Variants in FAM222A observed in about 807,000 individuals in gnomAD.
FAM222A encodes family with sequence similarity 222 member A.
Under a neutral mutation model 25.8 loss-of-function variants are expected in FAM222A, and 7 were observed. The ratio of observed to expected loss-of-function variants is 0.27; its 90% CI spans 0.15 to 0.51. FAM222A has a LOEUF of 0.51. Among genes scored for constraint, FAM222A ranks in the 20% least tolerant of loss-of-function variants. The probability of loss-of-function intolerance (pLI) is 0.97; values close to 1 mark genes in which losing one functional copy is unlikely to be tolerated. For missense variants in FAM222A, 573 were observed against 640.5 expected (o/e 0.89, Z 1.14); for synonymous variants, 294 against 298.8 (o/e 0.98, Z 0.17).
At chr12:109,750,910 G>T (rs1028851055) in intron 2 of FAM222A, among the ~76,000 whole-genome samples, 1 of 151,850 alleles carries the variant, frequency 6.6e-6, no homozygotes, top group Non-Finnish European at 1.5e-5. Flanking sequence ...ATTTGATTTC[G>T]ATCTTTCCAT....
chr12:109,747,817 G>A (rs1362088210), intron 2 of FAM222A, among the ~76,000 whole-genome samples: 1 of 152,068 alleles, frequency 6.6e-6, no homozygotes, highest in African/African-American at 2.4e-5. Flanking sequence ...TTTCAATTTA[G>A]GCGCTTGGGT....
At chr12:109,766,282 G>A (rs1194367689) in intron 2 of FAM222A, among the ~76,000 whole-genome samples, 2 of 152,238 alleles carry the variant, frequency 1.3e-5, no homozygotes, top group South Asian at 2.1e-4. Context: ...CTGCCCTTGG[G>A]AATGTCTCAG....
intron 1 of FAM222A, among the ~76,000 whole-genome samples, chr12:109,715,746 G>A (rs1592774279): frequency 6.6e-6 from 1 of 152,214 alleles, no homozygotes; most frequent in East Asian, 1.9e-4. Context: ...CGGGGCTCAG[G>A]CCTCCCAGAC....
intron 1 of FAM222A, among the ~76,000 whole-genome samples, chr12:109,720,338 G>T (rs989276139): frequency 1.3e-5 from 2 of 152,222 alleles, no homozygotes; most frequent in Non-Finnish European, 2.9e-5. Context: ...TGGGGAGGGG[G>T]GCCTCCCTTG....
chr12:109,769,376 C>T lies in FAM222A; in HGVS notation c.*88C>T. The T allele has an allele frequency of 1.4e-6, 2 of 1,428,610 alleles. No individual in the cohort carries two copies. The highest frequency in any genetic ancestry group is 9.4e-7 in the Non-Finnish European group (1 of 1,069,182). 88.5% of individuals were successfully genotyped at this position (1,428,610 alleles called of 1,614,324 possible). On this transcript the variant is annotated 3_prime_UTR_variant, in exon 3 of 3. Transcript: ENST00000538780. ...ACAGGGTGGGCGGCTCGCAGGGGCG[C>T]TCAGCCCCACCCTGTGCCTGCTGAT...
intron 1 of FAM222A, chr12:109,722,684 A>G (rs996215156): frequency 1.1e-4 from 17 of 152,256 alleles, no homozygotes; most frequent in African/African-American, 4.1e-4. Context: ...GCCTGTCCCC[A>G]GGACCCCTCC....
intron 2 of FAM222A, among the ~76,000 whole-genome samples, chr12:109,747,179 C>T (rs532463997): frequency 6.6e-6 from 1 of 152,260 alleles, no homozygotes; most frequent in African/African-American, 2.4e-5. Flanking sequence ...CTGAAGCCTC[C>T]GCCTCCCAGG....
At chr12:109,730,949 C>T (rs561268783) in intron 1 of FAM222A, among the ~76,000 whole-genome samples, 65 of 152,162 alleles carry the variant, frequency 4.3e-4, no homozygotes, top group Non-Finnish European at 8.2e-4. Context: ...GGGCAGTTCA[C>T]GAGTGCTACA....
intron 1 of FAM222A, among the ~76,000 whole-genome samples, chr12:109,715,270 C>T (rs1283051577): frequency 1.3e-5 from 2 of 152,224 alleles, no homozygotes; most frequent in African/African-American, 2.4e-5. Flanking sequence ...GTCTCCCGAG[C>T]AGCCTCTGAG....
At chr12:109,746,597 AATT>A (rs1401784887) in intron 2 of FAM222A, among the ~76,000 whole-genome samples, 1 of 152,212 alleles carries the variant, frequency 6.6e-6, no homozygotes, top group Non-Finnish European at 1.5e-5. Context: ...GTGCTGTTTT[AATT>A]ATTATGTTGT....
Position 109,714,153 on chromosome 12 carries a change from T to G in FAM222A, c.-791T>G, listed in dbSNP as rs940245279. On this transcript the variant is annotated 5_prime_UTR_variant, in exon 1 of 3. Coordinates refer to ENST00000538780, the MANE Select transcript of FAM222A (RefSeq NM_032829.3). The surrounding 1 kb of genome is among the most constrained non-coding windows in gnomAD (Gnocchi z 4.2). ...TCCTGCGCCACTGGGATCGGCTGTT[T>G]CTCAGCGCCGAGGCCCCCGAGGCTG... is the stretch of plus-strand genomic sequence containing the variant. 4 of 177,694 alleles carry G rather than the reference T, an allele frequency of 2.3e-5. No individual in the cohort carries two copies. Among genetic ancestry groups the G allele is most frequent in the African/African-American group, 9.6e-5 (4 of 41,530 alleles). 11.0% of individuals were successfully genotyped at this position (177,694 alleles called of 1,614,324 possible).
At chr12:109,747,270 G>A (rs1888428609) in intron 2 of FAM222A, among the ~76,000 whole-genome samples, 1 of 152,096 alleles carries the variant, frequency 6.6e-6, no homozygotes, top group Non-Finnish European at 1.5e-5. Flanking sequence ...ATTTTTATAT[G>A]TTTTAGTGGA....
At chr12:109,744,831 AAAAC>A (rs1888350616) in intron 2 of FAM222A, 1 of 953,284 alleles carries the variant, frequency 1.0e-6, no homozygotes, top group Admixed American at 6.2e-5. Context: ...TCTCTTGAAA[AAAAC>A]AAAAACAGAG....
At chr12:109,730,166 C>G (rs924507756) in intron 1 of FAM222A, among the ~76,000 whole-genome samples, 37 of 152,198 alleles carry the variant, frequency 2.4e-4, no homozygotes, top group Non-Finnish European at 4.6e-4. Flanking sequence ...TACAGGCTGG[C>G]TCTCCTCCTT....
intron 1 of FAM222A, among the ~76,000 whole-genome samples, chr12:109,730,950 G>A (rs752791316): frequency 8.5e-5 from 13 of 152,142 alleles, no homozygotes; most frequent in Non-Finnish European, 1.8e-4. Context: ...GGCAGTTCAC[G>A]AGTGCTACAC....
At chr12:109,744,362 C>T (rs138277150) in intron 2 of FAM222A, 134 bp downstream of exon 2, 7 of 1,423,558 alleles carry the variant, frequency 4.9e-6, no homozygotes, top group Admixed American at 5.5e-5. Flanking sequence ...GCCTTGGCCC[C>T]GGCTGTGCTG....
chr12:109,727,166 C>A (rs1016938771), intron 1 of FAM222A, among the ~76,000 whole-genome samples: 1 of 152,012 alleles, frequency 6.6e-6, no homozygotes, highest in Non-Finnish European at 1.5e-5. Flanking sequence ...TCTCTGTGGT[C>A]GGGGTCTTCT....
intron 2 of FAM222A, among the ~76,000 whole-genome samples, chr12:109,763,887 C>G (rs1888967768): frequency 6.6e-6 from 1 of 152,082 alleles, no homozygotes. Flanking sequence ...CCATCTCCCA[C>G]CTCTAGGTTG....
intron 1 of FAM222A, among the ~76,000 whole-genome samples, chr12:109,724,816 G>A (rs1355693596): frequency 1.3e-5 from 2 of 152,094 alleles, no homozygotes; most frequent in Non-Finnish European, 2.9e-5. Flanking sequence ...TTTCTAATTG[G>A]AACACCCAAT....
Sources: allele counts gnomAD v4.1 joint callset (sites outside exome capture counted in the v4.1 genomes callset), GRCh38; gene constraint gnomAD v4.1.1; non-coding constraint Gnocchi (gnomAD v3.1); transcripts MANE v1.5; gene names NCBI Gene and HGNC (gene_info 2026-07-23, HGNC 2026-07-21).